The following SIM1 variants were observed in gnomAD, a reference collection of about 807,000 sequenced individuals.
SIM1 encodes the protein single-minded homolog 1.
SIM1 carries 18 observed loss-of-function variants against 78.2 expected under a neutral mutation model. The ratio of observed to expected loss-of-function variants is 0.23; its 90% CI spans 0.16 to 0.34. SIM1 has a LOEUF of 0.34. SIM1 is among the 10% of genes least tolerant of loss of function. The pLI, the probability that SIM1 is intolerant of heterozygous loss-of-function variation, is 1.00. For missense variants in SIM1, 939 were observed against 975.1 expected (o/e 0.96, Z 0.49); for synonymous variants, 417 against 385.2 (o/e 1.08, Z -0.97).
rs764064477 is a variant in SIM1 at position 100,420,830 on chromosome 6, G to C, written c.1127C>G (p.Ser376Cys). 6.2e-7 allele frequency: 1 copy of C among 1,614,170 alleles called. No individual in the cohort carries two copies. Residue 376 changes from serine (S) to cysteine (C), a missense_variant, in exon 10 of 12, where the codon TCC becomes TGC. Around this residue, in one of 5 missense-constraint regions of SIM1, gnomAD observed 556 missense variants for 521.9 expected, o/e 1.07. Coordinates refer to ENST00000369208, the MANE Select transcript of SIM1 (RefSeq NM_005068.3). The stretch of plus-strand genomic sequence containing the variant: ...AGTCCTGGATTTTGACTTTGAGCTG[G>C]AGAGCCGGGATTTGGCCCCCTTTCT... ...DNRKGAKSRL[S>C]SSKSKSRTSP...
In SIM1 at chr6:100,394,054, C is replaced by T. The variant is rs1319794416; in HGVS notation, c.1168-165G>A. On this transcript the variant is annotated intron_variant, in intron 10 of 11. Transcript: ENST00000369208. Reference sequence around the variant, plus strand: ...TGCTTTGGCATCATGGCTGTGCACACCTAACTTGGAATTACTTAATTCATT... The same window carrying T: ...TGCTTTGGCATCATGGCTGTGCACATCTAACTTGGAATTACTTAATTCATT... 5 of 580,348 alleles carry T rather than the reference C, an allele frequency of 8.6e-6. No individual in the cohort carries two copies. The East Asian group carries it at 1.3e-4, about 15-fold the overall frequency. 35.9% of individuals were successfully genotyped at this position (580,348 alleles called of 1,614,324 possible).
rs150382307 is a variant in SIM1 at position 100,390,942 on chromosome 6, T to C, written c.1720A>G (p.Met574Val). The change falls in exon 12 of 12, where the codon ATG becomes GTG. Residue 574 changes from methionine to valine, a missense_variant. Around this residue, in one of 5 missense-constraint regions of SIM1, gnomAD observed 556 missense variants for 521.9 expected, o/e 1.07. Coordinates refer to ENST00000369208, the MANE Select transcript of SIM1 (RefSeq NM_005068.3). Reference protein sequence around the residue: ...IETLIRATQQMIKEEENRLQL... With the variant: ...IETLIRATQQVIKEEENRLQL... The stretch of plus-strand genomic sequence containing the variant: ...AATCTGTTCTCTTCTTCTTTAATCA[T>C]TTGCTGAGTGGCTCTTATAAGAGTT... The C allele has an allele frequency of 1.6e-4, 254 of 1,614,036 alleles. No individual in the cohort carries two copies. The highest frequency in any genetic ancestry group is 1.9e-4 in the Non-Finnish European group (220 of 1,180,040).
At position 100,389,542 on chromosome 6, in the gene SIM1, T is replaced by C. The variant is rs910879116; in HGVS notation, c.*819A>G. 2.5e-6 allele frequency: 1 copy of C among 398,464 alleles called. No individual in the cohort carries two copies. Among genetic ancestry groups the C allele is most frequent in the African/African-American group, 2.1e-5 (1 of 48,638 alleles). 24.7% of individuals were successfully genotyped at this position (398,464 alleles called of 1,614,324 possible). The stretch of plus-strand genomic sequence containing the variant: ...AATTGTGTTAAACTTTGAGATAGCA[T>C]TTTATTTCACTCTGCCTCTGGCCTT... On this transcript the variant is annotated 3_prime_UTR_variant, in exon 12 of 12. Transcript: ENST00000369208.
chr6:100,421,973 C>CACGTTTCCCT (rs1771600443), intron 9 of SIM1, among the ~76,000 whole-genome samples: 2 of 151,564 alleles, frequency 1.3e-5, no homozygotes, highest in Non-Finnish European at 2.9e-5. Context: ...CATATAGCTC[C>CACGTTTCCCT]TCACGTTTCC....
intron 2 of SIM1, among the ~76,000 whole-genome samples, chr6:100,458,543 C>A (rs765915790): frequency 1.4e-4 from 22 of 152,232 alleles, no homozygotes; most frequent in Non-Finnish European, 2.6e-4. Flanking sequence ...CACACCTGCA[C>A]CTGCGGGACC....
At chr6:100,442,297 G>A (rs1273154707) in intron 9 of SIM1, among the ~76,000 whole-genome samples, 1 of 152,156 alleles carries the variant, frequency 6.6e-6, no homozygotes, top group African/African-American at 2.4e-5. Context: ...TATTTAACTG[G>A]TATTATGTAT....
chr6:100,442,625 G>A (rs1772245288), intron 9 of SIM1, among the ~76,000 whole-genome samples: 1 of 152,000 alleles, frequency 6.6e-6, no homozygotes, highest in Non-Finnish European at 1.5e-5. Flanking sequence ...AAGTGAAAAG[G>A]TGTTTCATTT....
In SIM1 at chr6:100,463,403, T is replaced by G. The variant is rs756142341; in HGVS notation, c.66A>C (p.Glu22Asp). Residue 22 changes from glutamate (E) to aspartate (D), a missense_variant, in exon 2 of 12, where the codon GAA becomes GAC. Glu to Asp is a conservative substitution (Grantham distance 45). This residue lies in a region of SIM1 where 121 missense variants were observed against 124.6 expected (regional missense o/e 0.97). Transcript: ENST00000369208. Reference sequence around the variant, plus strand: ...AGGGCAAAGGCAGTAATTTAGCCAGTTCATAAAATTCACTGTTTTCCTTCT... The same window carrying G: ...AGGGCAAAGGCAGTAATTTAGCCAGGTCATAAAATTCACTGTTTTCCTTCT... Reference protein sequence around the residue: ...RREKENSEFYELAKLLPLPSA... With the variant: ...RREKENSEFYDLAKLLPLPSA... 6.2e-7 allele frequency: 1 copy of G among 1,614,000 alleles called. No homozygotes were observed. The highest frequency in any genetic ancestry group is 1.7e-5 in the Admixed American group (1 of 60,026).
At chr6:100,462,195 A>G (rs1441188360) in intron 2 of SIM1, among the ~76,000 whole-genome samples, 1 of 152,136 alleles carries the variant, frequency 6.6e-6, no homozygotes, top group Non-Finnish European at 1.5e-5. Flanking sequence ...AAAATCAACA[A>G]CAACAAAAAC....
Position 100,439,718 on chromosome 6 carries a change from CTG to C in SIM1, c.998+7548_998+7549del, listed in dbSNP as rs1772157015. Among the ~76,000 whole-genome samples the C allele has an allele frequency of 2.6e-5, 4 of 152,282 alleles. No homozygotes were observed. In the South Asian group the frequency reaches 8.3e-4, roughly 32 times the overall value. ...AACTATTGGTAAAGTTGACAAAACACTGATTCCAACTAAATTACCCTAGATAT... is the reference window on the plus strand; with the variant it reads ...AACTATTGGTAAAGTTGACAAAACACATTCCAACTAAATTACCCTAGATAT... On this transcript the variant is annotated intron_variant, in intron 9 of 11. Coordinates refer to ENST00000369208, the MANE Select transcript of SIM1 (RefSeq NM_005068.3).
chr6:100,401,961 C>T (rs1381627948), intron 10 of SIM1, among the ~76,000 whole-genome samples: 2 of 152,152 alleles, frequency 1.3e-5, no homozygotes, highest in African/African-American at 4.8e-5. Context: ...CAGACATGGG[C>T]GTATCCTCAT....
intron 9 of SIM1, among the ~76,000 whole-genome samples, chr6:100,435,994 T>TCACA (rs3836990): frequency 1.4e-4 from 21 of 150,470 alleles, no homozygotes; most frequent in Non-Finnish European, 2.5e-4. Flanking sequence ...ACCATACACA[T>TCACA]CACACACACA....
intron 2 of SIM1, among the ~76,000 whole-genome samples, chr6:100,454,639 G>C (rs193299056): frequency 9.3e-4 from 142 of 152,148 alleles, no homozygotes; most frequent in African/African-American, 2.5e-3. Context: ...CTACTTTCCA[G>C]GTACTGTATT....
rs147207096 is a variant in SIM1, at chr6:100,431,505, T to C, written c.999-10547A>G. Among the ~76,000 whole-genome samples, 1,074 of 152,348 alleles carry C rather than the reference T, an allele frequency of 7.0e-3. 13 individuals are homozygous for C. The highest frequency in any genetic ancestry group is 0.025 in the African/African-American group (1,026 of 41,562). On this transcript the variant is annotated intron_variant, in intron 9 of 11. Coordinates refer to ENST00000369208, the MANE Select transcript of SIM1 (RefSeq NM_005068.3). ...AAATGTCCTACCATTATTAGTAGTATTATTCTGTGCTTCAGTATTCAGACA... is the reference window on the plus strand; with the variant it reads ...AAATGTCCTACCATTATTAGTAGTACTATTCTGTGCTTCAGTATTCAGACA...
chr6:100,414,551 T>C (rs3798500), intron 10 of SIM1, among the ~76,000 whole-genome samples: 12,498 of 152,274 alleles, frequency 0.082, 576 homozygotes, highest in East Asian at 0.18. Context: ...ATCTCAAATT[T>C]ATCCATGAAC....
intron 2 of SIM1, among the ~76,000 whole-genome samples, chr6:100,461,463 C>T (rs542981899): frequency 8.5e-5 from 13 of 152,214 alleles, no homozygotes; most frequent in African/African-American, 3.1e-4. Context: ...CTATTCTTCT[C>T]CTCCCGCGAT....
intron 7 of SIM1, 65 bp from the exon 8 acceptor site, chr6:100,448,317 C>A (rs1257768672): frequency 1.4e-6 from 2 of 1,416,256 alleles, no homozygotes; most frequent in African/African-American, 2.8e-5. Context: ...CCCCACACAC[C>A]CTCGACAGCC....
At chr6:100,446,979 T>G (rs553504740) in intron 9 of SIM1, among the ~76,000 whole-genome samples, 12 of 152,316 alleles carry the variant, frequency 7.9e-5, no homozygotes, top group Non-Finnish European at 1.3e-4. Context: ...TAAGTTTTAT[T>G]TAATGCAGAG....
chr6:100,408,484 T>A (rs1168066332), intron 10 of SIM1, among the ~76,000 whole-genome samples: 1 of 152,066 alleles, frequency 6.6e-6, no homozygotes, highest in African/African-American at 2.4e-5. Context: ...TCTATTTCTC[T>A]CTTTTCTTAT....
Sources: gnomAD v4.1 joint callset for allele counts (sites outside exome capture counted in the v4.1 genomes callset) on GRCh38, gnomAD v4.1.1 for gene constraint, gnomAD v4.1.1 regional missense constraint, MANE v1.5 for transcripts, NCBI Gene and HGNC (gene_info 2026-07-23, HGNC 2026-07-21) for gene names.